Variants in MPHOSPH8 observed in about 807,000 individuals in gnomAD.
MPHOSPH8 encodes M-phase phosphoprotein, mpp.
Under a neutral mutation model 87.3 loss-of-function variants are expected in MPHOSPH8, and 45 were observed. The ratio of observed to expected loss-of-function variants is 0.52; its 90% CI spans 0.41 to 0.66. MPHOSPH8 has a LOEUF of 0.66. MPHOSPH8 is among the 30% of genes least tolerant of loss of function. The pLI is 0.00. For synonymous variants in MPHOSPH8, 366 were observed against 376.9 expected, an observed-to-expected ratio of 0.97 and a Z score of 0.33; for missense variants, 883 against 1,020.2, an observed-to-expected ratio of 0.87 and a Z score of 1.83.
At chr13:19,643,101 C>CT (rs1224830612) in intron 2 of MPHOSPH8, among the ~76,000 whole-genome samples, 2 of 151,912 alleles carry the variant, frequency 1.3e-5, no homozygotes, top group African/African-American at 2.4e-5. Context: ...GTATTTTTAG[C>CT]TTTTTTTTCT....
intron 5 of MPHOSPH8, among the ~76,000 whole-genome samples, chr13:19,654,948 CA>C (rs1199477154): frequency 4.9e-4 from 68 of 139,702 alleles, no homozygotes; most frequent in Admixed American, 3.6e-4. Context: ...CACACCATCT[CA>C]AAAAAAAAAA....
Position 19,653,534 on chromosome 13 carries a change from AG to A in MPHOSPH8, c.1576+3277del, listed in dbSNP as rs546679195. 4.2e-3 allele frequency among the ~76,000 whole-genome samples: 639 copies of A among 152,296 alleles called. 4 individuals are homozygous for A. The highest frequency in any genetic ancestry group is 0.014 in the African/African-American group (597 of 41,560). ...TCCAAAGGATCACAACTCCTCGCCA[AG>A]GGAACAAAACTGGGCGGAGAATGAG... On this transcript the variant is annotated intron_variant, in intron 5 of 13. Transcript: ENST00000361479.
chr13:19,663,137 C>T lies in MPHOSPH8; in HGVS notation c.2019+11C>T. ...ACTGCACTGATGAAGGTAAATCCCT[C>T]CTGCAGGTCATCCCTTTCTTCACTA... On this transcript the variant is annotated intron_variant, in intron 9 of 13. Coordinates refer to ENST00000361479, the MANE Select transcript of MPHOSPH8 (RefSeq NM_017520.4). The T allele has an allele frequency of 6.2e-7, 1 of 1,605,572 alleles. No individual in the cohort carries two copies. The highest frequency in any genetic ancestry group is 8.5e-7 in the Non-Finnish European group (1 of 1,172,648).
chr13:19,668,745 TAG>T (rs1430302720), intron 11 of MPHOSPH8, among the ~76,000 whole-genome samples: 1 of 152,142 alleles, frequency 6.6e-6, no homozygotes, highest in African/African-American at 2.4e-5. Flanking sequence ...GCATGGAAGT[TAG>T]GTCTTAATAA....
intron 5 of MPHOSPH8, among the ~76,000 whole-genome samples, chr13:19,653,327 G>T (rs996218555): frequency 6.6e-6 from 1 of 152,178 alleles, no homozygotes; most frequent in Non-Finnish European, 1.5e-5. Context: ...TGCAGCAGAG[G>T]TGCCTGTTAG....
chr13:19,650,188 A>G lies in MPHOSPH8; in HGVS notation c.1504A>G (p.Thr502Ala), dbSNP rs754618545. 3.7e-6 allele frequency: 6 copies of G among 1,614,232 alleles called. No individual in the cohort carries two copies. Among genetic ancestry groups the G allele is most frequent in the Non-Finnish European group, 5.1e-6 (6 of 1,180,034 alleles). Reference sequence around the variant, plus strand: ...GAGAAACACCAGAGACGAAACGGATACTTGGGCATACATTGCTGCAGAAGG... The same window carrying G: ...GAGAAACACCAGAGACGAAACGGATGCTTGGGCATACATTGCTGCAGAAGG... ...ERRNTRDETD[T>A]WAYIAAEGDQ... is the part of the protein sequence containing the mutation. The change falls in exon 5 of 14, where the codon ACT (threonine) becomes GCT (alanine). Residue 502 changes from threonine (T) to alanine (A), a missense_variant. This residue lies in a region of MPHOSPH8 where 741 missense variants were observed against 841.5 expected (regional missense o/e 0.88). Coordinates refer to ENST00000361479, the MANE Select transcript of MPHOSPH8 (RefSeq NM_017520.4).
chr13:19,634,086 C>T, intron 1 of MPHOSPH8, 125 bp downstream of exon 1: 1 of 972,924 alleles, frequency 1.0e-6, no homozygotes, highest in Non-Finnish European at 1.6e-6. Flanking sequence ...GAGTTCAATG[C>T]AAGCACGCGA....
intron 4 of MPHOSPH8, among the ~76,000 whole-genome samples, chr13:19,648,995 A>G (rs920868402): frequency 1.3e-5 from 2 of 152,232 alleles, no homozygotes; most frequent in African/African-American, 2.4e-5. Context: ...TCTGGCAAAC[A>G]GTGGTTCTAA....
rs373164960 is a variant in MPHOSPH8 at position 19,667,707 on chromosome 13, CTGT to C, written c.2175-664_2175-662del. Among the ~76,000 whole-genome samples, 87 of 152,272 alleles carry C rather than the reference CTGT, an allele frequency of 5.7e-4. 1 individual carries two copies. The highest frequency in any genetic ancestry group is 2.0e-3 in the African/African-American group (83 of 41,562). ...TTTCTGTTTAGCACTGACTAATATTCTGTTGTTGGTTGTCAAGATTTACTAGTT... is the reference window on the plus strand; with the variant it reads ...TTTCTGTTTAGCACTGACTAATATTCTGTTGGTTGTCAAGATTTACTAGTT... On this transcript the variant is annotated intron_variant, in intron 10 of 13. Transcript: ENST00000361479.
intron 4 of MPHOSPH8, among the ~76,000 whole-genome samples, chr13:19,649,201 C>G (rs1424155615): frequency 6.6e-6 from 1 of 152,106 alleles, no homozygotes; most frequent in African/African-American, 2.4e-5. Context: ...AAACAAAAAT[C>G]TTAAATGCCT....
intron 10 of MPHOSPH8, among the ~76,000 whole-genome samples, chr13:19,667,353 T>C (rs67073573): frequency 6.6e-6 from 1 of 152,094 alleles, no homozygotes; most frequent in African/African-American, 2.4e-5. Flanking sequence ...CTGGGGAACC[T>C]ACAGGGACAT....
At chr13:19,656,154 C>G (rs188643939) in intron 5 of MPHOSPH8, among the ~76,000 whole-genome samples, 1 of 151,882 alleles carries the variant, frequency 6.6e-6, no homozygotes, top group South Asian at 2.1e-4. Flanking sequence ...TGGCACATAC[C>G]TGTAGTCCCA....
At chr13:19,656,305 C>A (rs1055327136) in intron 5 of MPHOSPH8, among the ~76,000 whole-genome samples, 2 of 134,656 alleles carry the variant, frequency 1.5e-5, no homozygotes, top group Admixed American at 7.6e-5. Context: ...AAAAAACTGT[C>A]GTCATCAGAT....
chr13:19,649,879 C>T (rs1049548146), intron 4 of MPHOSPH8, 124 bp from the exon 5 acceptor site: 6 of 867,714 alleles, frequency 6.9e-6, no homozygotes, highest in South Asian at 3.8e-5. Context: ...GCTTTATAAG[C>T]AAGGTAGATG....
At chr13:19,669,322 C>A (rs1219157217) in intron 11 of MPHOSPH8, among the ~76,000 whole-genome samples, 1 of 151,842 alleles carries the variant, frequency 6.6e-6, no homozygotes, top group Non-Finnish European at 1.5e-5. Flanking sequence ...GCTGGGATTA[C>A]AGGCGTGAGC....
chr13:19,668,309 A>C (rs1875928454), intron 10 of MPHOSPH8, 68 bp from the exon 11 acceptor site: 1 of 1,439,352 alleles, frequency 6.9e-7, no homozygotes. Context: ...GGAAGCCCTC[A>C]CTGGTATTCG....
Position 19,647,243 on chromosome 13 carries a change from G to A in MPHOSPH8, c.1170G>A (p.Arg390=), listed in dbSNP as rs374601795. Residue 390 remains arginine (R), a synonymous_variant, in exon 3 of 14, where the codon AGG becomes AGA. Transcript: ENST00000361479. ...PVSAQTPKGR[R]LSGEERGLWS... ...CTGCCCAAACGCCAAAGGGCCGGAG[G>A]TTGAGCGGGGAAGAGAGAGGCCTCT... 6.2e-7 allele frequency: 1 copy of A among 1,612,610 alleles called. No homozygotes were observed.
At chr13:19,651,865 C>G (rs1014578352) in intron 5 of MPHOSPH8, among the ~76,000 whole-genome samples, 1 of 151,800 alleles carries the variant, frequency 6.6e-6, no homozygotes, top group African/African-American at 2.4e-5. Flanking sequence ...TTTGGGAGGC[C>G]GAGGCAGGCA....
intron 11 of MPHOSPH8, 146 bp from the exon 12 acceptor site, chr13:19,670,090 C>A: frequency 1.1e-6 from 1 of 902,668 alleles, no homozygotes; most frequent in Non-Finnish European, 1.7e-6. Context: ...TTTGAGAGGG[C>A]CAGCCTCCTC....
Sources: gnomAD v4.1 joint callset for allele counts (sites outside exome capture counted in the v4.1 genomes callset) on GRCh38, gnomAD v4.1.1 for gene constraint, gnomAD v4.1.1 regional missense constraint, MANE v1.5 for transcripts, NCBI Gene and HGNC (gene_info 2026-07-23, HGNC 2026-07-21) for gene names.